The following FBXL7 variants were observed in gnomAD, a reference collection of about 807,000 sequenced individuals.
FBXL7 encodes F-box/LRR-repeat protein 7.
A neutral mutation model predicts 38.3 loss-of-function variants in FBXL7; 12 were observed. The observed-to-expected ratio is 0.31, with a 90% CI of 0.20 to 0.51. The LOEUF (loss-of-function observed/expected upper bound fraction) is 0.51. Ranked by LOEUF, FBXL7 falls within the 20% of genes least tolerant of loss-of-function variation. The pLI is 0.98. For synonymous variants in FBXL7, 297 were observed against 300.9 expected (o/e 0.99, Z 0.13); for missense variants, 567 against 676.4 (o/e 0.84, Z 1.79).
At chr5:15,580,315 C>T (rs1739096576) in intron 1 of FBXL7, among the ~76,000 whole-genome samples, 1 of 152,088 alleles carries the variant, frequency 6.6e-6, no homozygotes, top group South Asian at 2.1e-4. Context: ...GTTGTTTAAG[C>T]CCCCCAGTCT....
intron 2 of FBXL7, among the ~76,000 whole-genome samples, chr5:15,704,074 C>A (rs529252059): frequency 2.0e-4 from 30 of 152,224 alleles, no homozygotes; most frequent in Non-Finnish European, 3.7e-4. Context: ...TCATTCTGCT[C>A]CTTCCAGTGG....
rs149527550 is a variant in FBXL7 at position 15,549,768 on chromosome 5, A to G, written c.37+49055A>G. On this transcript the variant is annotated intron_variant, in intron 1 of 3. Transcript: ENST00000504595. Reference sequence around the variant, plus strand: ...ACTAAAATGCTTTCTGGCTCTTTCAAAAAGTTTTTGCATGATGCCACTCTA... The same window carrying G: ...ACTAAAATGCTTTCTGGCTCTTTCAGAAAGTTTTTGCATGATGCCACTCTA... 9.6e-3 allele frequency among the ~76,000 whole-genome samples: 1,460 copies of G among 152,316 alleles called. 12 individuals are homozygous for G. The highest frequency in any genetic ancestry group is 0.028 in the South Asian group (133 of 4,822).
rs149621492 is a variant in FBXL7 at position 15,930,648 on chromosome 5, G to A, written c.739+2147G>A. ...GTATGTTAACCTGCTTACTTTGAAA[G>A]TTCAAATATATTTGTGTAGCCTCCC... On this transcript the variant is annotated intron_variant, in intron 3 of 3. Transcript: ENST00000504595. Among the ~76,000 whole-genome samples the A allele has an allele frequency of 3.9e-3, 599 of 152,278 alleles. 2 individuals are homozygous for A. Among genetic ancestry groups the A allele is most frequent in the African/African-American group, 0.014 (579 of 41,558 alleles).
At chr5:15,595,117 G>T (rs779341875) in intron 1 of FBXL7, among the ~76,000 whole-genome samples, 2 of 152,182 alleles carry the variant, frequency 1.3e-5, no homozygotes. Context: ...CCCAGGGCAT[G>T]TAAGAAGATA....
chr5:15,558,642 C>T (rs540745509), intron 1 of FBXL7, among the ~76,000 whole-genome samples: 159 of 152,334 alleles, frequency 1.0e-3, no homozygotes, highest in African/African-American at 3.7e-3. Flanking sequence ...CTTCAAAATC[C>T]AAGCAATGGC....
chr5:15,821,674 C>T (rs1738172832), intron 2 of FBXL7, among the ~76,000 whole-genome samples: 1 of 152,184 alleles, frequency 6.6e-6, no homozygotes, highest in Non-Finnish European at 1.5e-5. Context: ...ACCATAACCA[C>T]TATCCATGGC....
chr5:15,895,935 G>T (rs1741092447), intron 2 of FBXL7, among the ~76,000 whole-genome samples: 1 of 151,172 alleles, frequency 6.6e-6, no homozygotes, highest in Non-Finnish European at 1.5e-5. Context: ...TGAGCCACCG[G>T]CCCGGCCCCT....
chr5:15,634,324 T>C (rs1297460399), intron 2 of FBXL7, among the ~76,000 whole-genome samples: 4 of 147,156 alleles, frequency 2.7e-5, no homozygotes, highest in Admixed American at 6.7e-5. Flanking sequence ...TTTTTTTTTT[T>C]TTTTTTTTTT....
chr5:15,887,539 G>T (rs73752351), intron 2 of FBXL7, among the ~76,000 whole-genome samples: 1 of 152,192 alleles, frequency 6.6e-6, no homozygotes, highest in African/African-American at 2.4e-5. Context: ...GCTGTTGTTG[G>T]AAATGGCTCC....
chr5:15,625,117 A>G (rs1489456389), intron 2 of FBXL7, among the ~76,000 whole-genome samples: 1 of 152,150 alleles, frequency 6.6e-6, no homozygotes, highest in African/African-American at 2.4e-5. Flanking sequence ...CTGGCCTCAG[A>G]CATTCTGTTA....
chr5:15,764,327 A>G (rs1447049343), intron 2 of FBXL7, among the ~76,000 whole-genome samples: 1 of 152,248 alleles, frequency 6.6e-6, no homozygotes, highest in Non-Finnish European at 1.5e-5. Flanking sequence ...ATACATATCA[A>G]TTAGATTAAA....
chr5:15,755,859 TC>T (rs1482382100), intron 2 of FBXL7, among the ~76,000 whole-genome samples: 1 of 152,158 alleles, frequency 6.6e-6, no homozygotes, highest in African/African-American at 2.4e-5. Flanking sequence ...TTTGTGGCAA[TC>T]CAGTGCCTAG....
chr5:15,918,881 G>A (rs1179750107), intron 2 of FBXL7, among the ~76,000 whole-genome samples: 8 of 152,242 alleles, frequency 5.3e-5, no homozygotes. Context: ...CCCTCCAGGT[G>A]AAATGCAAGA....
At chr5:15,634,508 G>A (rs557428105) in intron 2 of FBXL7, among the ~76,000 whole-genome samples, 53 of 149,000 alleles carry the variant, frequency 3.6e-4, no homozygotes, top group Non-Finnish European at 6.4e-4. Context: ...TTTTAGTTGG[G>A]GGGGGGGTTT....
At chr5:15,823,948 T>G in intron 2 of FBXL7, among the ~76,000 whole-genome samples, 1 of 152,146 alleles carries the variant, frequency 6.6e-6, no homozygotes, top group East Asian at 1.9e-4. Flanking sequence ...ACGAGAATCC[T>G]AGCACTTGAT....
At chr5:15,794,995 A>C (rs1403651171) in intron 2 of FBXL7, among the ~76,000 whole-genome samples, 1 of 152,230 alleles carries the variant, frequency 6.6e-6, no homozygotes, top group Non-Finnish European at 1.5e-5. Context: ...ATGCCTTAGC[A>C]TGAACTGCTT....
At chr5:15,557,129 G>C (rs1016501118) in intron 1 of FBXL7, among the ~76,000 whole-genome samples, 1 of 152,082 alleles carries the variant, frequency 6.6e-6, no homozygotes, top group Non-Finnish European at 1.5e-5. Context: ...TAGTAGAGAC[G>C]GGGTTTCACC....
intron 2 of FBXL7, among the ~76,000 whole-genome samples, chr5:15,892,922 C>T (rs1740964447): frequency 1.3e-5 from 2 of 152,092 alleles, no homozygotes; most frequent in Admixed American, 1.3e-4. Context: ...TCGAGACCAT[C>T]CTGGCTAACA....
At chr5:15,606,929 T>A (rs529058902) in intron 1 of FBXL7, 2 of 152,194 alleles carry the variant, frequency 1.3e-5, no homozygotes, top group Non-Finnish European at 2.9e-5. Flanking sequence ...CAATATGTAT[T>A]CAGTTTCTTC....
Sources: gnomAD v4.1 joint callset for allele counts (sites outside exome capture counted in the v4.1 genomes callset) on GRCh38, gnomAD v4.1.1 for gene constraint, MANE v1.5 for transcripts, NCBI Gene and HGNC (gene_info 2026-07-23, HGNC 2026-07-21) for gene names.